Variants in SQSTM1 observed in about 807,000 individuals in gnomAD.
SQSTM1 encodes sequestosome 1, also known as sequestosome-1.
A neutral mutation model predicts 45.1 loss-of-function variants in SQSTM1; 36 were observed. That is an observed-to-expected ratio of 0.80 (90% CI 0.61 to 1.05). SQSTM1 has a LOEUF of 1.05. SQSTM1 is among the 50% of genes least tolerant of loss of function. The pLI, the probability that SQSTM1 is intolerant of heterozygous loss-of-function variation, is 0.00. For missense variants in SQSTM1, 617 were observed against 607.1 expected (o/e 1.02, Z -0.17); for synonymous variants, 290 against 244.3 (o/e 1.19, Z -1.74).
chr5:179,810,738 T>TA (rs1269020114), intron 1 of SQSTM1, among the ~76,000 whole-genome samples: 2 of 152,238 alleles, frequency 1.3e-5, no homozygotes, highest in African/African-American at 4.8e-5. Context: ...ACCAACAGTG[T>TA]AAAAGCATTC....
At position 179,821,008 on chromosome 5, in the gene SQSTM1, C is replaced by T. The variant is rs774460525; in HGVS notation, c.72C>T (p.Ser24=). Residue 24 remains serine (S), a synonymous_variant, in exon 1 of 8, where the codon AGC becomes AGT. Coordinates refer to ENST00000389805, the MANE Select transcript of SQSTM1 (RefSeq NM_003900.5). ...CGGCGCGCGAGATTCGCCGCTTCAG[C>T]TTCTGCTGCAGCCCCGAGCCTGAGG... The part of the protein sequence containing the change: ...EDAAREIRRF[S]FCCSPEPEAE... The T allele has an allele frequency of 1.3e-5, 21 of 1,573,448 alleles. No homozygotes were observed. The highest frequency in any genetic ancestry group is 1.7e-5 in the Non-Finnish European group (20 of 1,169,320).
At chr5:179,810,704 A>G (rs1400717115) in intron 1 of SQSTM1, among the ~76,000 whole-genome samples, 1 of 152,216 alleles carries the variant, frequency 6.6e-6, no homozygotes, top group Non-Finnish European at 1.5e-5. Context: ...GACTTCCACA[A>G]TGGTTGAACT....
upstream of SQSTM1, chr5:179,820,888 C>G (rs1450534509): frequency 7.0e-7 from 1 of 1,430,546 alleles, no homozygotes; most frequent in Non-Finnish European, 9.2e-7. Context: ...AAAAGCCGCG[C>G]GGCGGCTGCG....
intron 5 of SQSTM1, among the ~76,000 whole-genome samples, chr5:179,831,999 A>G (rs1285775223): frequency 2.6e-5 from 4 of 152,046 alleles, no homozygotes; most frequent in Admixed American, 1.3e-4. Flanking sequence ...TAGCCAGGGT[A>G]GTCTCGATCT....
rs559922612 is a variant in SQSTM1, at chr5:179,836,882, G to C, written c.*289G>C. On this transcript the variant is annotated 3_prime_UTR_variant, in exon 8 of 8. Coordinates refer to ENST00000389805, the MANE Select transcript of SQSTM1 (RefSeq NM_003900.5). ...CCTGACCCCTCCCTGCAGGGGCTAC[G>C]TTAGCAGCCCAGCACATAGCTTGCC... 4.9e-6 allele frequency: 3 copies of C among 612,268 alleles called. No individual in the cohort carries two copies. Among genetic ancestry groups the C allele is most frequent in the East Asian group, 5.5e-5 (2 of 36,624 alleles). 37.9% of individuals were successfully genotyped at this position (612,268 alleles called of 1,614,324 possible).
Position 179,824,069 on chromosome 5 carries a change from C to T in SQSTM1, c.513C>T (p.Pro171=). The T allele has an allele frequency of 1.2e-6, 2 of 1,613,924 alleles. No individual in the cohort carries two copies. Among genetic ancestry groups the T allele is most frequent in the Non-Finnish European group, 1.7e-6 (2 of 1,180,038 alleles). ...RGHTKLAFPS[P]FGHLSEGFSH... ...ACACCAAGCTCGCATTCCCCAGCCC[C>T]TTCGGGCACCTGTCTGAGGTGAGCA... Residue 171 remains proline, a synonymous_variant, in exon 3 of 8, where the codon CCC becomes CCT. Transcript: ENST00000389805.
At chr5:179,822,935 G>T (rs113754952) in intron 1 of SQSTM1, 23 bp from the exon 2 acceptor site, 1 of 1,611,272 alleles carries the variant, frequency 6.2e-7, no homozygotes, top group South Asian at 1.1e-5. Context: ...GGGTGCTCAC[G>T]TGCTGTCTTT....
chr5:179,835,701 A>G (rs1253103930), intron 7 of SQSTM1: 2 of 155,160 alleles, frequency 1.3e-5, no homozygotes, highest in Non-Finnish European at 2.9e-5. Flanking sequence ...GGAAAGCTAT[A>G]TCATTCTTAT....
At chr5:179,816,065 G>A (rs552618014), upstream of SQSTM1, among the ~76,000 whole-genome samples, 113 of 152,292 alleles carry the variant, frequency 7.4e-4, no homozygotes, top group Non-Finnish European at 3.1e-4. Flanking sequence ...GGGGGACTGC[G>A]GTAAGTACCC....
Position 179,836,778 on chromosome 5 carries a change from T to C in SQSTM1, c.*185T>C. On this transcript the variant is annotated 3_prime_UTR_variant, in exon 8 of 8. Transcript: ENST00000389805. ...TGAAGGGAGGGTCCCTGTGTGTGTG[T>C]GTGCTGATGTTTCCTGGGTGCCCTG... 1.1e-6 allele frequency: 1 copy of C among 893,692 alleles called. No homozygotes were observed. Among genetic ancestry groups the C allele is most frequent in the Non-Finnish European group, 1.8e-6 (1 of 563,570 alleles). The allele number at this position is 893,692 out of a possible 1,614,324, so 55.4% of individuals were successfully genotyped here. A position where few individuals can be genotyped will look rare whatever the true frequency, so the allele number is the denominator to read the frequency against.
intron 1 of SQSTM1, among the ~76,000 whole-genome samples, chr5:179,810,078 C>T (rs940199371): frequency 4.6e-5 from 7 of 152,018 alleles, no homozygotes; most frequent in South Asian, 2.1e-4. Flanking sequence ...GCCAACGCAC[C>T]GGGCCAACAA....
chr5:179,830,979 T>G (rs1348354338), intron 5 of SQSTM1, among the ~76,000 whole-genome samples: 2 of 152,210 alleles, frequency 1.3e-5, no homozygotes, highest in Non-Finnish European at 2.9e-5. Context: ...TAGGATTACA[T>G]GCATGAGTCA....
At position 179,823,839 on chromosome 5, in the gene SQSTM1, CTCTT is replaced by C; in HGVS notation, c.302-17_302-14del. The C allele has an allele frequency of 6.2e-7, 1 of 1,609,090 alleles. No homozygotes were observed. Among genetic ancestry groups the C allele is most frequent in the Non-Finnish European group, 8.5e-7 (1 of 1,179,606 alleles). ...TTTAGGGGGTCCCACCCTAGCGGCT[CTCTT>C]TACCCTTCCTGTAGAGAAAAAAGAG... On this transcript the variant is annotated splice_polypyrimidine_tract_variant and intron_variant, in intron 2 of 7. Transcript: ENST00000389805.
In SQSTM1 at chr5:179,833,528, T is replaced by C. The variant is rs155788; in HGVS notation, c.970-59T>C. The C allele has an allele frequency of 0.11, 169,276 of 1,577,672 alleles. 13,615 individuals are homozygous for C. Among genetic ancestry groups the C allele is most frequent in the African/African-American group, 0.43 (31,988 of 74,350 alleles). On this transcript the variant is annotated intron_variant, in intron 6 of 7. Transcript: ENST00000389805. ...GACTGTCTGCCAGGAGCCAGGGCCA[T>C]GGTCAGGCTTGGCCTGTTGCGCGTG...
chr5:179,833,386 CCATTAAAGT>C, intron 6 of SQSTM1, 140 bp downstream of exon 6: 1 of 1,022,518 alleles, frequency 9.8e-7, no homozygotes, highest in Non-Finnish European at 1.5e-6. Flanking sequence ...GATGTCTGTG[CCATTAAAGT>C]CACGCTGGGA....
intron 5 of SQSTM1, among the ~76,000 whole-genome samples, chr5:179,831,489 C>T (rs1389045126): frequency 2.0e-5 from 3 of 152,118 alleles, no homozygotes; most frequent in African/African-American, 7.2e-5. Flanking sequence ...TGGTGAAACC[C>T]CGTCTCTACT....
chr5:179,837,799 C>CA lies in SQSTM1; in HGVS notation c.*1207dup, dbSNP rs772438323. 1.2e-6 allele frequency: 2 copies of CA among 1,614,052 alleles called. No homozygotes were observed. Among genetic ancestry groups the CA allele is most frequent in the South Asian group, 2.2e-5 (2 of 91,090 alleles). ...TCCATAGCTCCTTCCCAGGACCCCT[C>CA]AGCTCCCCGGCACTGCAGTCTGCAG... On this transcript the variant is annotated 3_prime_UTR_variant, in exon 8 of 8. Coordinates refer to ENST00000389805, the MANE Select transcript of SQSTM1 (RefSeq NM_003900.5).
At chr5:179,822,155 C>T (rs1202034404) in intron 1 of SQSTM1, among the ~76,000 whole-genome samples, 1 of 152,220 alleles carries the variant, frequency 6.6e-6, no homozygotes, top group African/African-American at 2.4e-5. Context: ...ATCTATTCAT[C>T]TTGCAATCCT....
At chr5:179,834,386 T>C (rs1188096539) in intron 7 of SQSTM1, among the ~76,000 whole-genome samples, 2 of 151,792 alleles carry the variant, frequency 1.3e-5, no homozygotes, top group Non-Finnish European at 2.9e-5. Context: ...CTATGGCCTA[T>C]GGGCCAAGAG....
Sources: allele counts gnomAD v4.1 joint callset (sites outside exome capture counted in the v4.1 genomes callset), GRCh38; gene constraint gnomAD v4.1.1; transcripts MANE v1.5; gene names NCBI Gene and HGNC (gene_info 2026-07-23, HGNC 2026-07-21).